The following TENM3 variants were observed in gnomAD, a reference collection of about 807,000 sequenced individuals.
TENM3 encodes teneurin-3.
Under a neutral mutation model 255.1 loss-of-function variants are expected in TENM3, and 63 were observed. That is an observed-to-expected ratio of 0.25 (90% CI 0.20 to 0.30). TENM3 has a LOEUF of 0.30. Among genes scored for constraint, TENM3 ranks in the 10% least tolerant of loss-of-function variants. TENM3 has a pLI of 1.00. For synonymous variants in TENM3, 1,306 were observed against 1,322.3 expected (o/e 0.99, Z 0.27); for missense variants, 2,929 against 3,461.1 (o/e 0.85, Z 3.86).
the TENM3 span, among the ~76,000 whole-genome samples, chr4:181,986,486 C>T: frequency 6.6e-6 from 1 of 152,076 alleles, no homozygotes; most frequent in Non-Finnish European, 1.5e-5. Context: ...AGTGTTTCCG[C>T]ATGATAATTA....
At chr4:181,907,108 A>G in the TENM3 span, among the ~76,000 whole-genome samples, 2 of 152,006 alleles carry the variant, frequency 1.3e-5, no homozygotes, top group East Asian at 1.9e-4. Context: ...CTGGTCTCGA[A>G]CTCCTGACCT....
the TENM3 span, among the ~76,000 whole-genome samples, chr4:181,528,916 C>T: frequency 1.3e-5 from 2 of 152,172 alleles, no homozygotes; most frequent in Non-Finnish European, 2.9e-5. Context: ...TATACACACA[C>T]ATATCTGCAG....
At chr4:182,774,866 A>G (rs1764550418) in intron 23 of TENM3, 52 bp from the exon 24 acceptor site, 2 of 1,345,444 alleles carry the variant, frequency 1.5e-6, no homozygotes, top group Admixed American at 2.0e-5. Context: ...ACAACCGGCC[A>G]AGTATTTAAT....
the TENM3 span, among the ~76,000 whole-genome samples, chr4:182,039,653 A>G: frequency 1.3e-5 from 2 of 151,852 alleles, no homozygotes; most frequent in Non-Finnish European, 2.9e-5. Flanking sequence ...CATGACACAC[A>G]CATGCACGAG....
Position 182,422,879 on chromosome 4 carries a change from T to G in TENM3, c.511+75950T>G, listed in dbSNP as rs1236225711. Among the ~76,000 whole-genome samples the G allele has an allele frequency of 1.3e-5, 2 of 152,182 alleles. 1 individual carries two copies. Among genetic ancestry groups the G allele is most frequent in the Non-Finnish European group, 2.9e-5 (2 of 68,024 alleles). Reference sequence around the variant, plus strand: ...AGGTTTTATTATTGTTGCCCCCTTCTTCCAGATGAGGCAACTGAGGCATGG... The same window carrying G: ...AGGTTTTATTATTGTTGCCCCCTTCGTCCAGATGAGGCAACTGAGGCATGG... On this transcript the variant is annotated intron_variant, in intron 3 of 27. Transcript: ENST00000511685.
chr4:181,464,784 C>A, the TENM3 span, among the ~76,000 whole-genome samples: 2 of 152,032 alleles, frequency 1.3e-5, no homozygotes, highest in African/African-American at 4.8e-5. Context: ...AGCCCCGTCT[C>A]TACAAAAAAT....
At chr4:182,276,108 G>A (rs570432306) in intron 1 of TENM3, among the ~76,000 whole-genome samples, 2 of 152,326 alleles carry the variant, frequency 1.3e-5, no homozygotes, top group African/African-American at 4.8e-5. Flanking sequence ...GGGATTTAAA[G>A]AGGGGGCTGG....
chr4:182,552,093 G>C (rs1221236984), intron 3 of TENM3, among the ~76,000 whole-genome samples: 1 of 151,828 alleles, frequency 6.6e-6, no homozygotes, highest in African/African-American at 2.4e-5. Context: ...ATCAGCTTGG[G>C]GCCTGGCAGC....
At chr4:182,244,007 G>A (rs28449922) in intron 1 of TENM3, among the ~76,000 whole-genome samples, 1,939 of 136,438 alleles carry the variant, frequency 0.014, 38 homozygotes, top group African/African-American at 0.049. Flanking sequence ...AGGCTGGAGT[G>A]CAGTGGCGTG....
chr4:182,103,658 G>A, the TENM3 span, among the ~76,000 whole-genome samples: 2 of 152,134 alleles, frequency 1.3e-5, no homozygotes, highest in Non-Finnish European at 2.9e-5. Context: ...CAAAGCCAAA[G>A]GAGAGGAATA....
At chr4:181,454,081 G>T in the TENM3 span, among the ~76,000 whole-genome samples, 2 of 152,074 alleles carry the variant, frequency 1.3e-5, no homozygotes, top group Non-Finnish European at 2.9e-5. Flanking sequence ...ATTACCTGTT[G>T]CATATTAAGT....
At chr4:182,143,871 C>T (rs543983498), upstream of TENM3, 3 of 152,590 alleles carry the variant, frequency 2.0e-5, no homozygotes, top group South Asian at 2.1e-4. This position sits in a 1 kb window ranked among gnomAD's most constrained non-coding sequence, Gnocchi z 4.3. Context: ...GTAGTAAAGG[C>T]ACTGATTGGT....
the TENM3 span, among the ~76,000 whole-genome samples, chr4:181,564,002 A>G: frequency 6.6e-6 from 1 of 150,530 alleles, no homozygotes; most frequent in Admixed American, 6.7e-5. Flanking sequence ...AGAAAATGAA[A>G]ATGATGTTTT....
intron 1 of TENM3, among the ~76,000 whole-genome samples, chr4:182,210,885 C>T (rs927221322): frequency 3.3e-5 from 5 of 152,154 alleles, no homozygotes; most frequent in Non-Finnish European, 5.9e-5. Flanking sequence ...CAGAAGATGA[C>T]CCTACAAGGA....
Position 182,643,520 on chromosome 4 carries a change from G to C in TENM3, c.989-10251G>C, listed in dbSNP as rs369129947. 7.2e-5 allele frequency among the ~76,000 whole-genome samples: 11 copies of C among 152,252 alleles called. No homozygotes were observed. In the East Asian group the frequency reaches 1.9e-3, roughly 27 times the overall value. ...TGGAAGAGACCTTAGAGGTCATCTA[G>C]TGCAAACCCTTCAGATTTTCTTTGT... On this transcript the variant is annotated intron_variant, in intron 5 of 27. Transcript: ENST00000511685.
At chr4:182,564,475 A>G (rs995756) in intron 3 of TENM3, among the ~76,000 whole-genome samples, 25,579 of 151,866 alleles carry the variant, frequency 0.17, 2,248 homozygotes, top group African/African-American at 0.23. Flanking sequence ...TTCAACAAAT[A>G]TGAGACTATA....
the TENM3 span, among the ~76,000 whole-genome samples, chr4:182,077,856 T>G: frequency 6.6e-6 from 1 of 152,100 alleles, no homozygotes; most frequent in African/African-American, 2.4e-5. Flanking sequence ...GGCACCATCC[T>G]TGCAGTGGCC....
the TENM3 span, among the ~76,000 whole-genome samples, chr4:181,698,072 G>C: frequency 6.6e-6 from 1 of 151,898 alleles, no homozygotes; most frequent in Non-Finnish European, 1.5e-5. Flanking sequence ...AAATTAGCTG[G>C]GTGTGGTGGC....
At chr4:182,066,590 T>TAAAAAA in the TENM3 span, among the ~76,000 whole-genome samples, 8 of 136,322 alleles carry the variant, frequency 5.9e-5, no homozygotes, top group African/African-American at 1.6e-4. Context: ...AGAATTATGG[T>TAAAAAA]AAAAAAAAAA....
Sources: gnomAD v4.1 joint callset for allele counts (sites outside exome capture counted in the v4.1 genomes callset) on GRCh38, gnomAD v4.1.1 for gene constraint, Gnocchi (gnomAD v3.1) non-coding constraint, MANE v1.5 for transcripts, NCBI Gene and HGNC (gene_info 2026-07-23, HGNC 2026-07-21) for gene names.